NAA35: variants seen among roughly 807,000 people sequenced by gnomAD.
NAA35 encodes MAK10 homolog, amino-acid N-acetyltransferase subunit.
NAA35 carries 18 observed loss-of-function variants against 101.7 expected under a neutral mutation model. The ratio of observed to expected loss-of-function variants is 0.18; its 90% CI spans 0.12 to 0.26. The LOEUF (loss-of-function observed/expected upper bound fraction) is 0.26, where lower values mean the gene tolerates loss of function less well. Among genes scored for constraint, NAA35 ranks in the 10% least tolerant of loss-of-function variants. The pLI, the probability that NAA35 is intolerant of heterozygous loss-of-function variation, is 1.00. For missense variants in NAA35, 601 were observed against 886.8 expected, an observed-to-expected ratio of 0.68 and a Z score of 4.09; for synonymous variants, 267 against 273.1, an observed-to-expected ratio of 0.98 and a Z score of 0.22.
At position 85,942,241 on chromosome 9, in the gene NAA35, A is replaced by T; in HGVS notation, c.82A>T (p.Asn28Tyr). 20 of 1,614,146 alleles carry T rather than the reference A, an allele frequency of 1.2e-5. No homozygotes were observed. Among genetic ancestry groups the T allele is most frequent in the Non-Finnish European group, 1.7e-5 (20 of 1,180,012 alleles). Residue 28 changes from asparagine (N) to tyrosine (Y), a missense_variant, in exon 2 of 23, where the codon AAC becomes TAC. Coordinates refer to ENST00000361671, the MANE Select transcript of NAA35 (RefSeq NM_024635.4). Reference sequence around the variant, plus strand: ...AGAAAAAATGGAGAAAAGCAATACAAACTGGGTGGACATTACCCAAGATTT... The same window carrying T: ...AGAAAAAATGGAGAAAAGCAATACATACTGGGTGGACATTACCCAAGATTT... ...MPEKMEKSNT[N>Y]WVDITQDFEE...
chr9:85,993,305 TGGGATTACAGGC>T (rs750184914), intron 11 of NAA35, among the ~76,000 whole-genome samples: 39 of 152,330 alleles, frequency 2.6e-4, no homozygotes, highest in Non-Finnish European at 4.1e-4. Flanking sequence ...CCTGGGTAGC[TGGGATTACAGGC>T]GTACACCACC....
chr9:86,009,109 A>C (rs1422909793), intron 14 of NAA35, among the ~76,000 whole-genome samples: 2 of 152,310 alleles, frequency 1.3e-5, no homozygotes, highest in Middle Eastern at 3.4e-3. Context: ...ACTAATGAAC[A>C]TATTTCTTCT....
At position 85,976,693 on chromosome 9, in the gene NAA35, A is replaced by C. The variant is rs758501070; in HGVS notation, c.636A>C (p.Arg212=). 5.0e-6 allele frequency: 8 copies of C among 1,588,636 alleles called. No individual in the cohort carries two copies. In the South Asian group the frequency reaches 9.3e-5, roughly 18 times the overall value. The change falls in exon 9 of 23, where the codon CGA becomes CGC. Residue 212 remains arginine (R), a synonymous_variant. Coordinates refer to ENST00000361671, the MANE Select transcript of NAA35 (RefSeq NM_024635.4). The stretch of plus-strand genomic sequence containing the variant: ...CTTTTTTAAAATTTTAGAGTACTCG[A>C]AGTCGACAAGGAGAAGAAAGAGATC... ...DDMQRRVKST[R]SRQGEERDPE...
chr9:86,009,757 C>A (rs1831816982), intron 14 of NAA35, 108 bp from the exon 15 acceptor site: 1 of 727,120 alleles, frequency 1.4e-6, no homozygotes, highest in Admixed American at 2.4e-5. Flanking sequence ...GTATCGGTTC[C>A]ATTTTCTCTT....
In NAA35 at chr9:86,022,455, A is replaced by G. The variant is rs1587681334; in HGVS notation, c.*495A>G. On this transcript the variant is annotated 3_prime_UTR_variant, in exon 23 of 23. Coordinates refer to ENST00000361671, the MANE Select transcript of NAA35 (RefSeq NM_024635.4). Reference sequence around the variant, plus strand: ...CACTTGTATGAGATTTTGGTAAAATACATTTAGAAGGGATTTTTGGGAGGG... The same window carrying G: ...CACTTGTATGAGATTTTGGTAAAATGCATTTAGAAGGGATTTTTGGGAGGG... Among the ~76,000 whole-genome samples, 3 of 152,208 alleles carry G rather than the reference A, an allele frequency of 2.0e-5. No homozygotes were observed. Among genetic ancestry groups the G allele is most frequent in the South Asian group, 4.1e-4 (2 of 4,834 alleles).
At chr9:86,019,610 A>C (rs913567421) in intron 21 of NAA35, among the ~76,000 whole-genome samples, 15 of 152,360 alleles carry the variant, frequency 9.8e-5, no homozygotes, top group Admixed American at 4.6e-4. Flanking sequence ...AACTTGGAAA[A>C]AAATTGTTTC....
intron 22 of NAA35, 81 bp from the exon 23 acceptor site, chr9:86,021,820 C>CT (rs1433474206): frequency 8.5e-7 from 1 of 1,183,216 alleles, no homozygotes; most frequent in Non-Finnish European, 1.2e-6. Context: ...ACAAGAAACT[C>CT]TAAAATAAAA....
At chr9:86,013,182 A>T in intron 16 of NAA35, 38 bp downstream of exon 16, 1 of 1,262,614 alleles carries the variant, frequency 7.9e-7, no homozygotes, top group Non-Finnish European at 1.1e-6. Flanking sequence ...AAATTAAATG[A>T]TGCACACACT....
chr9:85,992,181 A>AT (rs1188127172), intron 11 of NAA35, among the ~76,000 whole-genome samples: 3 of 147,220 alleles, frequency 2.0e-5, no homozygotes, highest in Non-Finnish European at 4.4e-5. Context: ...CTCAAAAAAA[A>AT]AAAAATAATA....
intron 5 of NAA35, among the ~76,000 whole-genome samples, chr9:85,960,393 T>C (rs1360332841): frequency 6.6e-6 from 1 of 151,986 alleles, no homozygotes; most frequent in Non-Finnish European, 1.5e-5. Context: ...GACCATCCCT[T>C]TCTTTTTATA....
intron 21 of NAA35, among the ~76,000 whole-genome samples, chr9:86,020,105 A>G (rs1587675842): frequency 1.3e-5 from 2 of 152,260 alleles, no homozygotes; most frequent in African/African-American, 4.8e-5. Flanking sequence ...AAGGAAGCCT[A>G]TATGTATGTG....
At position 85,942,195 on chromosome 9, in the gene NAA35, A is replaced by T. The variant is rs752269619; in HGVS notation, c.36A>T (p.Ser12=). ...AAGCTTCTGTAGATGATGACGATTC[A>T]GGATGGGAGCTCAGTATGCCAGAAA... ...VMKASVDDDD[S]GWELSMPEKM... Residue 12 remains serine (S), a synonymous_variant, in exon 2 of 23, where the codon TCA becomes TCT. Coordinates refer to ENST00000361671, the MANE Select transcript of NAA35 (RefSeq NM_024635.4). 3.7e-6 allele frequency: 6 copies of T among 1,614,196 alleles called. No homozygotes were observed. Among genetic ancestry groups the T allele is most frequent in the Non-Finnish European group, 5.1e-6 (6 of 1,180,018 alleles).
intron 11 of NAA35, among the ~76,000 whole-genome samples, chr9:85,985,108 G>A (rs1361997114): frequency 1.3e-5 from 2 of 152,102 alleles, no homozygotes; most frequent in African/African-American, 2.4e-5. Flanking sequence ...AAGTTACTGC[G>A]GCCCACCCAC....
In NAA35 at chr9:85,958,490, C is replaced by G; in HGVS notation, c.177C>G (p.Ala59=). 2 of 1,604,690 alleles carry G rather than the reference C, an allele frequency of 1.2e-6. No individual in the cohort carries two copies. Among genetic ancestry groups the G allele is most frequent in the Non-Finnish European group, 1.7e-6 (2 of 1,175,708 alleles). ...LHDKLFGLFE[A]MSAIEMMDPK... is the part of the protein sequence containing the mutation. ...TTTGCAGATTTGGTCTTTTTGAAGC[C>G]ATGTCTGCTATTGAAATGATGGATC... is the stretch of plus-strand genomic sequence containing the variant. The change falls in exon 4 of 23, where the codon GCC becomes GCG. Residue 59 remains alanine (A), a synonymous_variant. Coordinates refer to ENST00000361671, the MANE Select transcript of NAA35 (RefSeq NM_024635.4).
chr9:85,944,109 A>G (rs1242342899), intron 2 of NAA35, among the ~76,000 whole-genome samples: 1 of 152,188 alleles, frequency 6.6e-6, no homozygotes, highest in Non-Finnish European at 1.5e-5. Flanking sequence ...TGGACCAAGT[A>G]GCTTCTCAGT....
At chr9:85,960,328 G>C (rs540614751) in intron 5 of NAA35, among the ~76,000 whole-genome samples, 5 of 152,156 alleles carry the variant, frequency 3.3e-5, no homozygotes, top group Admixed American at 2.6e-4. Flanking sequence ...TCCCTAGAAA[G>C]TACTGTTTGT....
At chr9:85,995,382 A>G (rs924587582) in intron 11 of NAA35, among the ~76,000 whole-genome samples, 1 of 151,688 alleles carries the variant, frequency 6.6e-6, no homozygotes, top group Non-Finnish European at 1.5e-5. Flanking sequence ...ATTGTAGGCT[A>G]AAGATTTTAG....
At chr9:86,005,810 A>G (rs1172000496) in intron 13 of NAA35, among the ~76,000 whole-genome samples, 2 of 152,170 alleles carry the variant, frequency 1.3e-5, no homozygotes, top group Non-Finnish European at 2.9e-5. Flanking sequence ...CAAATTCAAC[A>G]TGGTAAATAT....
intron 11 of NAA35, among the ~76,000 whole-genome samples, chr9:85,990,889 G>A (rs527252104): frequency 6.6e-6 from 1 of 152,322 alleles, no homozygotes; most frequent in Non-Finnish European, 1.5e-5. Flanking sequence ...GTAAGGAAGT[G>A]TCCATGTAGA....
Sources: allele counts gnomAD v4.1 joint callset (sites outside exome capture counted in the v4.1 genomes callset), GRCh38; gene constraint gnomAD v4.1.1; transcripts MANE v1.5; gene names NCBI Gene and HGNC (gene_info 2026-07-23, HGNC 2026-07-21).